The following MDGA1 variants were observed in gnomAD, a reference collection of about 807,000 sequenced individuals.
MDGA1 encodes the protein MAM domain-containing glycosylphosphatidylinositol anchor protein 1.
In MDGA1, 54 loss-of-function variants were observed where a neutral mutation model predicts 101.5. That is an observed-to-expected ratio of 0.53 (90% CI 0.43 to 0.67). The LOEUF is 0.67. Ranked by LOEUF, MDGA1 falls within the 30% of genes least tolerant of loss-of-function variation. The pLI is 0.00. For missense variants in MDGA1, 1,083 were observed against 1,323.8 expected (o/e 0.82, Z 2.82); for synonymous variants, 533 against 558.3 (o/e 0.95, Z 0.64).
chr6:37,655,045 T>G lies in MDGA1; in HGVS notation c.580-113A>C. On this transcript the variant is annotated intron_variant, in intron 4 of 16. Transcript: ENST00000434837. This position sits in a 1 kb window ranked among gnomAD's most constrained non-coding sequence, Gnocchi z 5.1. ...ACAAATGCCTGTCTAATTCCTCTCT[T>G]TCCATCCCCAACCCCACCCTCACCA... The G allele has an allele frequency of 7.5e-7, 1 of 1,330,680 alleles. No individual in the cohort carries two copies. Among genetic ancestry groups the G allele is most frequent in the South Asian group, 1.4e-5 (1 of 71,450 alleles). 82.4% of individuals were successfully genotyped at this position (1,330,680 alleles called of 1,614,324 possible).
chr6:37,643,919 G>T lies in MDGA1; in HGVS notation c.2426C>A (p.Ser809Ter), dbSNP rs866926229. 5.6e-6 allele frequency: 9 copies of T among 1,613,872 alleles called. No individual in the cohort carries two copies. The highest frequency in any genetic ancestry group is 5.9e-6 in the Non-Finnish European group (7 of 1,179,854). The change falls in exon 14 of 17, where the codon TCG becomes TAG. Residue 809 changes from serine to a stop codon, truncating the protein, a stop_gained. Coordinates refer to ENST00000434837, the MANE Select transcript of MDGA1 (RefSeq NM_153487.4). LOFTEE classifies it high-confidence loss of function. Reference protein sequence around the residue: ...PEGYYMFIETSRPRELGDRAR... With the variant: ...PEGYYMFIET The stretch of plus-strand genomic sequence containing the variant: ...ACGGTCCCCCAGCTCCCGAGGCCTC[G>T]ATGTCTCGATGAACATGTAGTAGCC...
rs1200800210 is a variant in MDGA1 at position 37,632,425 on chromosome 6, G to C, written c.*4943C>G. 1 of 152,822 alleles carries C rather than the reference G, an allele frequency of 6.5e-6. No individual in the cohort carries two copies. Among genetic ancestry groups the C allele is most frequent in the Non-Finnish European group, 1.5e-5 (1 of 68,278 alleles). 9.5% of individuals were successfully genotyped at this position (152,822 alleles called of 1,614,324 possible). ...TCGACAGGTGCCAAAGAGAAGAAAG[G>C]CTGCCCCCAGGGAGCTGAGAGGAGC... is the stretch of plus-strand genomic sequence containing the variant. On this transcript the variant is annotated 3_prime_UTR_variant, in exon 17 of 17. Transcript: ENST00000434837.
Position 37,632,491 on chromosome 6 carries a change from G to C in MDGA1, c.*4877C>G, listed in dbSNP as rs928400005. 1 of 153,006 alleles carries C rather than the reference G, an allele frequency of 6.5e-6. No homozygotes were observed. The highest frequency in any genetic ancestry group is 1.5e-5 in the Non-Finnish European group (1 of 68,168). The allele number at this position is 153,006 out of a possible 1,614,324, so 9.5% of individuals were successfully genotyped here. On this transcript the variant is annotated 3_prime_UTR_variant, in exon 17 of 17. Transcript: ENST00000434837. ...CCCCGACCCTGGCCCACTCTGCCCTGCCAACACACACGGCTGACGCTGAGC... is the reference window on the plus strand; with the variant it reads ...CCCCGACCCTGGCCCACTCTGCCCTCCCAACACACACGGCTGACGCTGAGC...
chr6:37,687,010 G>A (rs954864370), intron 1 of MDGA1, among the ~76,000 whole-genome samples: 4 of 152,138 alleles, frequency 2.6e-5, no homozygotes, highest in Non-Finnish European at 5.9e-5. Flanking sequence ...TCACATTTGG[G>A]GAAGTAGACA....
intron 13 of MDGA1, 97 bp downstream of exon 13, chr6:37,644,400 C>T (rs1764174602): frequency 1.6e-6 from 2 of 1,279,818 alleles, no homozygotes; most frequent in South Asian, 3.4e-5. Context: ...CTCCCTCAGA[C>T]TGGAGCCGTC....
At chr6:37,663,851 T>C in intron 2 of MDGA1, 116 bp downstream of exon 2, 1 of 1,182,742 alleles carries the variant, frequency 8.5e-7, no homozygotes, top group Non-Finnish European at 1.2e-6. Flanking sequence ...TCCTGTTCTC[T>C]GCCTCCATGC....
chr6:37,661,399 C>T (rs1052667685), intron 2 of MDGA1, among the ~76,000 whole-genome samples: 1 of 152,182 alleles, frequency 6.6e-6, no homozygotes, highest in Non-Finnish European at 1.5e-5. Flanking sequence ...CCTTAGTCCC[C>T]CATCTTGACC....
chr6:37,658,423 G>T lies in MDGA1; in HGVS notation c.208-4C>A. 6.2e-7 allele frequency: 1 copy of T among 1,602,654 alleles called. No homozygotes were observed. The highest frequency in any genetic ancestry group is 1.7e-5 in the Admixed American group (1 of 59,478). On this transcript the variant is annotated splice_region_variant and splice_polypyrimidine_tract_variant and intron_variant, in intron 2 of 16. Coordinates refer to ENST00000434837, the MANE Select transcript of MDGA1 (RefSeq NM_153487.4). ...CTGCCGTCTTGGTCCACCGTACCTG[G>T]GCCGCCAGGCGGGGCAGAGTCAGAC... is the stretch of plus-strand genomic sequence containing the variant.
chr6:37,645,932 C>T lies in MDGA1; in HGVS notation c.2248+1G>A. The T allele has an allele frequency of 6.2e-7, 1 of 1,613,990 alleles. No homozygotes were observed. On this transcript the variant is annotated splice_donor_variant, in intron 12 of 16. Coordinates refer to ENST00000434837, the MANE Select transcript of MDGA1 (RefSeq NM_153487.4). LOFTEE classifies it high-confidence loss of function. ...AGTCATGGGTGACTGGGGAGTCTCACCTGAAAGGTTCGGAGAGTTGATGGC... is the reference window on the plus strand; with the variant it reads ...AGTCATGGGTGACTGGGGAGTCTCATCTGAAAGGTTCGGAGAGTTGATGGC...
rs1763928013 is a variant in MDGA1, at chr6:37,636,264, C to T, written c.*1104G>A. The T allele has an allele frequency of 6.6e-6, 1 of 152,588 alleles. No homozygotes were observed. Among genetic ancestry groups the T allele is most frequent in the South Asian group, 2.1e-4 (1 of 4,834 alleles). The allele number at this position is 152,588 out of a possible 1,614,324, so 9.5% of individuals were successfully genotyped here. Reference sequence around the variant, plus strand: ...TGGCACCTGCTCCCTCCACCAATCCCAGCTCTATAAGCCCCTCCTCCTTCA... The same window carrying T: ...TGGCACCTGCTCCCTCCACCAATCCTAGCTCTATAAGCCCCTCCTCCTTCA... On this transcript the variant is annotated 3_prime_UTR_variant, in exon 17 of 17. Coordinates refer to ENST00000434837, the MANE Select transcript of MDGA1 (RefSeq NM_153487.4).
At chr6:37,685,076 C>G (rs1333041842) in intron 1 of MDGA1, among the ~76,000 whole-genome samples, 1 of 152,108 alleles carries the variant, frequency 6.6e-6, no homozygotes, top group African/African-American at 2.4e-5. Flanking sequence ...CCGAGGCGGG[C>G]AGATTGCTTG....
chr6:37,647,953 C>T lies in MDGA1; in HGVS notation c.1895-629G>A, dbSNP rs374978462. Among the ~76,000 whole-genome samples, 414 of 152,260 alleles carry T rather than the reference C, an allele frequency of 2.7e-3. 2 individuals carry two copies. Among genetic ancestry groups the T allele is most frequent in the African/African-American group, 9.4e-3 (390 of 41,522 alleles). Reference sequence around the variant, plus strand: ...GCTGCTGGGAAAGCTGTGTATGCCACTGAATGGGGGACAGACATCCCCAGG... The same window carrying T: ...GCTGCTGGGAAAGCTGTGTATGCCATTGAATGGGGGACAGACATCCCCAGG... On this transcript the variant is annotated intron_variant, in intron 9 of 16. Transcript: ENST00000434837.
intron 1 of MDGA1, among the ~76,000 whole-genome samples, chr6:37,691,830 G>A (rs999560528): frequency 8.5e-5 from 13 of 152,196 alleles, no homozygotes; most frequent in African/African-American, 2.9e-4. Flanking sequence ...CAGAAGAGGG[G>A]CCATGCGCCA....
At chr6:37,682,344 C>T (rs1561862006) in intron 1 of MDGA1, among the ~76,000 whole-genome samples, 1 of 152,100 alleles carries the variant, frequency 6.6e-6, no homozygotes, top group Non-Finnish European at 1.5e-5. Context: ...ATTAGCTGGG[C>T]GTGGTGGCGG....
chr6:37,689,494 G>A (rs1762265254), intron 1 of MDGA1, among the ~76,000 whole-genome samples: 1 of 152,218 alleles, frequency 6.6e-6, no homozygotes, highest in Non-Finnish European at 1.5e-5. Flanking sequence ...TGTGCTCAGA[G>A]CTTCCTAAGC....
At position 37,650,112 on chromosome 6, in the gene MDGA1, G is replaced by A; in HGVS notation, c.1606C>T (p.Gln536Ter). 1 of 1,608,054 alleles carries A rather than the reference G, an allele frequency of 6.2e-7. No homozygotes were observed. ...PREAQVQLNV[Q>*]FPPEVEPSSQ... The stretch of plus-strand genomic sequence containing the variant: ...CCGGGTGGCGTGGTGGACTCACACT[G>A]CACGTTCAGCTGCACCTGGGCCTCA... Residue 536 changes from glutamine (Q) to a stop codon, truncating the protein, a stop_gained, in exon 8 of 17, where the codon CAG becomes TAG. Transcript: ENST00000434837. LOFTEE classifies it high-confidence loss of function.
At chr6:37,659,292 T>C (rs574022124) in intron 2 of MDGA1, among the ~76,000 whole-genome samples, 1 of 152,300 alleles carries the variant, frequency 6.6e-6, no homozygotes, top group South Asian at 2.1e-4. Flanking sequence ...TTTGGAGTAT[T>C]TGTTATGCAG....
At chr6:37,664,914 C>T (rs1310739664) in intron 1 of MDGA1, among the ~76,000 whole-genome samples, 1 of 149,222 alleles carries the variant, frequency 6.7e-6, no homozygotes, top group Non-Finnish European at 1.5e-5. Context: ...CACGGCTGCA[C>T]ATTGCCCTCC....
intron 1 of MDGA1, among the ~76,000 whole-genome samples, chr6:37,682,726 C>T (rs552067338): frequency 6.6e-6 from 1 of 152,314 alleles, no homozygotes; most frequent in African/African-American, 2.4e-5. Flanking sequence ...CTGTCTTGTT[C>T]TCTGCTGTAT....
Sources: allele counts gnomAD v4.1 joint callset (sites outside exome capture counted in the v4.1 genomes callset), GRCh38; gene constraint gnomAD v4.1.1; non-coding constraint Gnocchi (gnomAD v3.1); transcripts MANE v1.5; gene names NCBI Gene and HGNC (gene_info 2026-07-23, HGNC 2026-07-21).